GABRB1: variants seen among roughly 807,000 people sequenced by gnomAD.
GABRB1 encodes the protein gamma-aminobutyric acid type A receptor subunit beta1, also known as gamma-aminobutyric acid receptor subunit beta-1.
In GABRB1, 17 loss-of-function variants were observed where a neutral mutation model predicts 51.6. The observed-to-expected ratio is 0.33, with a 90% CI of 0.23 to 0.49. The LOEUF is 0.49. GABRB1 is among the 20% of genes least tolerant of loss of function. GABRB1 has a pLI of 0.99. For missense variants in GABRB1, 410 were observed against 600.6 expected (o/e 0.68, Z 3.32); for synonymous variants, 247 against 218.9 (o/e 1.13, Z -1.14).
intron 3 of GABRB1, among the ~76,000 whole-genome samples, chr4:47,136,298 G>T (rs1259844997): frequency 1.3e-5 from 2 of 152,032 alleles, no homozygotes; most frequent in African/African-American, 4.8e-5. Flanking sequence ...CCACTTCTAA[G>T]AAGATTTTCC....
intron 4 of GABRB1, among the ~76,000 whole-genome samples, chr4:47,265,956 A>G (rs1214235872): frequency 6.6e-6 from 1 of 151,880 alleles, no homozygotes; most frequent in East Asian, 1.9e-4. Flanking sequence ...TTTAAGTCAC[A>G]TTTGTCTACT....
At chr4:47,337,554 C>T (rs2109983029) in intron 5 of GABRB1, among the ~76,000 whole-genome samples, 1 of 152,074 alleles carries the variant, frequency 6.6e-6, no homozygotes, top group South Asian at 2.1e-4. Context: ...CCTATAATTC[C>T]TGCGCTTTGG....
intron 5 of GABRB1, among the ~76,000 whole-genome samples, chr4:47,329,815 A>G (rs929713612): frequency 1.3e-5 from 2 of 151,526 alleles, no homozygotes; most frequent in African/African-American, 4.8e-5. Context: ...AGATAGGTAA[A>G]GTACAGATAA....
At chr4:47,312,750 C>A (rs1724748718) in intron 4 of GABRB1, among the ~76,000 whole-genome samples, 1 of 152,116 alleles carries the variant, frequency 6.6e-6, no homozygotes, top group South Asian at 2.1e-4. Flanking sequence ...TGATAAAATT[C>A]ATGATTATAG....
chr4:47,148,822 A>G (rs1392161330), intron 3 of GABRB1, among the ~76,000 whole-genome samples: 1 of 151,956 alleles, frequency 6.6e-6, no homozygotes, highest in Non-Finnish European at 1.5e-5. Context: ...ATAAAACATC[A>G]GAGAAAACTG....
chr4:47,052,900 T>C (rs1726418482), intron 3 of GABRB1, among the ~76,000 whole-genome samples: 1 of 152,192 alleles, frequency 6.6e-6, no homozygotes, highest in Non-Finnish European at 1.5e-5. Context: ...GTTTAGTGCT[T>C]GCAGTTAATT....
rs1726077814 is a variant in GABRB1 at position 47,346,060 on chromosome 4, C to T, written c.544+25851C>T. On this transcript the variant is annotated intron_variant, in intron 5 of 8. Transcript: ENST00000295454. ...TGTTGAAAATGGCAAAAAAAAAAGG[C>T]CTGCAGATACCCCTATCAATAACAG... is the stretch of plus-strand genomic sequence containing the variant. 2.2e-5 allele frequency among the ~76,000 whole-genome samples: 3 copies of T among 137,414 alleles called. No homozygotes were observed. In the South Asian group the frequency reaches 7.5e-4, roughly 35 times the overall value. The allele number at this position is 137,414 out of a possible 152,430, so 90.1% of individuals were successfully genotyped here. A position where few individuals can be genotyped will look rare whatever the true frequency, so the allele number is the denominator to read the frequency against.
chr4:47,416,842 A>T (rs1425573559), intron 8 of GABRB1, among the ~76,000 whole-genome samples: 1 of 152,074 alleles, frequency 6.6e-6, no homozygotes, highest in Non-Finnish European at 1.5e-5. Flanking sequence ...CTATGTAGAG[A>T]AAGGACCACA....
intron 4 of GABRB1, among the ~76,000 whole-genome samples, chr4:47,233,333 T>C (rs1281531846): frequency 2.6e-5 from 4 of 152,210 alleles, no homozygotes; most frequent in African/African-American, 9.6e-5. Flanking sequence ...TCATACACTT[T>C]CATTAATTTT....
At chr4:47,085,954 C>T (rs1030867643) in intron 3 of GABRB1, among the ~76,000 whole-genome samples, 7 of 152,134 alleles carry the variant, frequency 4.6e-5, no homozygotes, top group African/African-American at 1.4e-4. Context: ...CCCAGACTTG[C>T]GAAGGTGAAG....
intron 4 of GABRB1, among the ~76,000 whole-genome samples, chr4:47,299,358 T>A (rs1258020744): frequency 6.6e-6 from 1 of 152,082 alleles, no homozygotes; most frequent in Non-Finnish European, 1.5e-5. Context: ...AGGGCTAATC[T>A]CCAGAATCTA....
intron 5 of GABRB1, among the ~76,000 whole-genome samples, chr4:47,327,002 T>C (rs1725285916): frequency 2.0e-5 from 3 of 152,222 alleles, no homozygotes; most frequent in Non-Finnish European, 4.4e-5. Context: ...TAAATATTTG[T>C]GTAGTGAATG....
chr4:47,167,245 T>C (rs945870040), intron 4 of GABRB1, among the ~76,000 whole-genome samples: 1 of 152,092 alleles, frequency 6.6e-6, no homozygotes, highest in Non-Finnish European at 1.5e-5. Flanking sequence ...CCAGATGTAT[T>C]CTGCCTCTTC....
At chr4:47,365,515 T>C (rs1289349945) in intron 5 of GABRB1, among the ~76,000 whole-genome samples, 1 of 152,160 alleles carries the variant, frequency 6.6e-6, no homozygotes, top group Admixed American at 6.5e-5. Context: ...GGAAGATTGA[T>C]GTCAGATGTC....
At chr4:47,409,332 G>C (rs1728682095) in intron 8 of GABRB1, among the ~76,000 whole-genome samples, 4 of 152,182 alleles carry the variant, frequency 2.6e-5, no homozygotes, top group South Asian at 2.1e-4. Flanking sequence ...GATGGTAAAT[G>C]TGGAGGATCT....
At chr4:47,172,761 C>T (rs2109757580) in intron 4 of GABRB1, among the ~76,000 whole-genome samples, 1 of 151,326 alleles carries the variant, frequency 6.6e-6, no homozygotes, top group South Asian at 2.1e-4. Context: ...CCTACCTCAG[C>T]CTCCCATGTA....
chr4:47,131,141 G>A (rs532065651), intron 3 of GABRB1, among the ~76,000 whole-genome samples: 1 of 152,120 alleles, frequency 6.6e-6, no homozygotes, highest in East Asian at 1.9e-4. Context: ...GAATGCTTAA[G>A]TCCAAACTTT....
chr4:47,027,578 A>G (rs1725141137), upstream of GABRB1, among the ~76,000 whole-genome samples: 1 of 151,664 alleles, frequency 6.6e-6, no homozygotes, highest in African/African-American at 2.4e-5. Flanking sequence ...ATATATCACT[A>G]GAGGATAAAT....
At chr4:47,262,624 A>G (rs890947940) in intron 4 of GABRB1, among the ~76,000 whole-genome samples, 29 of 152,180 alleles carry the variant, frequency 1.9e-4, no homozygotes, top group Non-Finnish European at 7.3e-5. Context: ...ACCCTTGTGG[A>G]AGTCAGTGTG....
Sources: gnomAD v4.1 joint callset for allele counts (sites outside exome capture counted in the v4.1 genomes callset) on GRCh38, gnomAD v4.1.1 for gene constraint, MANE v1.5 for transcripts, NCBI Gene and HGNC (gene_info 2026-07-23, HGNC 2026-07-21) for gene names.